Variants in ZNF586 observed in about 807,000 individuals in gnomAD.
ZNF586 encodes the protein zinc finger protein 586.
Under a neutral mutation model 6.7 loss-of-function variants are expected in ZNF586, and 7 were observed. The ratio of observed to expected loss-of-function variants is 1.04; its 90% CI spans 0.59 to 1.95. The LOEUF is 1.95. Ranked by LOEUF, ZNF586 falls within the 30% of genes most tolerant of loss-of-function variation. The pLI, the probability that ZNF586 is intolerant of heterozygous loss-of-function variation, is 0.00. For missense variants in ZNF586, 442 were observed against 489.6 expected, an observed-to-expected ratio of 0.90 and a Z score of 0.92; for synonymous variants, 166 against 168.7, an observed-to-expected ratio of 0.98 and a Z score of 0.12.
Position 57,778,929 on chromosome 19 carries a change from T to A in ZNF586, c.342T>A (p.Asn114Lys). 1 of 1,614,024 alleles carries A rather than the reference T, an allele frequency of 6.2e-7. No homozygotes were observed. The highest frequency in any genetic ancestry group is 8.5e-7 in the Non-Finnish European group (1 of 1,180,016). ...CCAGAAGAGATCACAAACACAGGAA[T>A]GTTCGCACTGGAGAAAGGCCTTATG... is the stretch of plus-strand genomic sequence containing the variant. ...TEPRRDHKHRNVRTGERPYEC... is the reference protein window; with the variant it reads ...TEPRRDHKHRKVRTGERPYEC... The change falls in exon 3 of 3, where the codon AAT becomes AAA. Residue 114 changes from asparagine to lysine, a missense_variant. Physicochemically the swap from Asn to Lys is moderately conservative, Grantham distance 94. Transcript: ENST00000396154.
At chr19:57,776,787 GT>G (rs1987248912) in intron 2 of ZNF586, 118 bp downstream of exon 2, 1 of 1,251,580 alleles carries the variant, frequency 8.0e-7, no homozygotes, top group Non-Finnish European at 1.1e-6. Flanking sequence ...CTCTGGAGAG[GT>G]TCTGTTGTTG....
At position 57,771,103 on chromosome 19, in the gene ZNF586, CA is replaced by C. The variant is rs1318355203; in HGVS notation, c.36+1226del. Among the ~76,000 whole-genome samples, 3 of 151,912 alleles carry C rather than the reference CA, an allele frequency of 2.0e-5. 1 individual carries two copies. The East Asian group carries it at 5.8e-4, about 29-fold the overall frequency. On this transcript the variant is annotated intron_variant, in intron 1 of 2. Transcript: ENST00000396154. ...GATCACGAGGTCAGGAGTTTGAGAC[CA>C]TCCTGGCTAACACGGTGAAATCCCC... is the stretch of plus-strand genomic sequence containing the variant.
intron 2 of ZNF586, 29 bp downstream of exon 2, chr19:57,776,698 G>A (rs747753099): frequency 1.9e-6 from 3 of 1,568,668 alleles, no homozygotes; most frequent in Non-Finnish European, 2.6e-6. Context: ...CCTGTGACCT[G>A]AGTTAGTCTG....
At chr19:57,774,648 G>C (rs1386491264) in intron 1 of ZNF586, 1 of 494,478 alleles carries the variant, frequency 2.0e-6, no homozygotes, top group East Asian at 1.8e-4. Context: ...AAATGCTAGT[G>C]GTTCTTTTTG....
In ZNF586 at chr19:57,769,809, C is replaced by T. The variant is rs1987041466; in HGVS notation, c.-34C>T. The T allele has an allele frequency of 6.5e-7, 1 of 1,538,976 alleles. No homozygotes were observed. The highest frequency in any genetic ancestry group is 1.4e-5 in the African/African-American group (1 of 72,398). Reference sequence around the variant, plus strand: ...CCGGGACAGGACAACGACAGGAACACCGCCGAGCCCGCGTTCCCCCCCCGC... The same window carrying T: ...CCGGGACAGGACAACGACAGGAACATCGCCGAGCCCGCGTTCCCCCCCCGC... On this transcript the variant is annotated 5_prime_UTR_variant, in exon 1 of 3. Transcript: ENST00000396154.
chr19:57,775,255 A>G (rs1471692239), intron 1 of ZNF586, among the ~76,000 whole-genome samples: 2 of 152,108 alleles, frequency 1.3e-5, no homozygotes, highest in Non-Finnish European at 2.9e-5. Context: ...TCGGCCTCCC[A>G]AAGTGCAGGG....
chr19:57,778,262 G>T (rs373451469), intron 2 of ZNF586, among the ~76,000 whole-genome samples: 7 of 151,890 alleles, frequency 4.6e-5, no homozygotes, highest in Admixed American at 1.3e-4. Flanking sequence ...TAGAGATGGG[G>T]TTTTGCCATG....
rs1490820030 is a variant in ZNF586 at position 57,776,545 on chromosome 19, C to G, written c.39C>G (p.Ser13Arg). 1 of 1,611,750 alleles carries G rather than the reference C, an allele frequency of 6.2e-7. No individual in the cohort carries two copies. Among genetic ancestry groups the G allele is most frequent in the South Asian group, 1.1e-5 (1 of 90,842 alleles). Residue 13 changes from serine (S) to arginine (R), a missense_variant and splice_region_variant, in exon 2 of 3, where the codon AGC becomes AGG. By Grantham distance (110) the Ser-to-Arg change is moderately radical (BLOSUM62 -1). Coordinates refer to ENST00000396154, the MANE Select transcript of ZNF586 (RefSeq NM_017652.4). ...TTCATCTATCCCCATCATAACAGAG[C>G]AGTGTGACCTTTGAAGATGTGGCTG... ...AAAALRAPAQSSVTFEDVAVN... is the reference protein window; with the variant it reads ...AAAALRAPAQRSVTFEDVAVN...
intron 1 of ZNF586, among the ~76,000 whole-genome samples, chr19:57,776,215 G>T (rs1301189203): frequency 6.6e-6 from 1 of 152,166 alleles, no homozygotes; most frequent in Non-Finnish European, 1.5e-5. Flanking sequence ...CGTACATAAG[G>T]ATTATGTTTG....
chr19:57,779,278 G>C lies in ZNF586; in HGVS notation c.691G>C (p.Glu231Gln). Residue 231 changes from glutamate to glutamine, a missense_variant, in exon 3 of 3, where the codon GAG becomes CAG. By Grantham distance (29) the Glu-to-Gln change is conservative. Transcript: ENST00000396154. ...TAAACACAGGAGGATTCACACTGGA[G>C]AGAGGCCTTATGAGTGCAGTGAATG... Reference protein sequence around the residue: ...LIKHRRIHTGERPYECSECGR... With the variant: ...LIKHRRIHTGQRPYECSECGR... 6.2e-7 allele frequency: 1 copy of C among 1,614,192 alleles called. No homozygotes were observed. The highest frequency in any genetic ancestry group is 8.5e-7 in the Non-Finnish European group (1 of 1,180,030).
Position 57,779,397 on chromosome 19 carries a change from AT to A in ZNF586, c.813del (p.Arg272AlafsTer30), listed in dbSNP as rs774476284. 2.5e-6 allele frequency: 4 copies of A among 1,612,564 alleles called. No individual in the cohort carries two copies. The Admixed American group carries it at 6.7e-5, about 27-fold the overall frequency. On this transcript the variant is annotated frameshift_variant, in exon 3 of 3. Transcript: ENST00000396154. LOFTEE classifies it low-confidence loss of function (END_TRUNC). The part of the protein sequence containing the change: ...PYECVECGKS[F>X]RRSSSLLQHQ... ...ATGAATGCGTTGAGTGTGGAAAATCATTTCGCCGAAGCTCTTCACTCTTGCA... is the reference window on the plus strand; with the variant it reads ...ATGAATGCGTTGAGTGTGGAAAATCATTCGCCGAAGCTCTTCACTCTTGCA...
chr19:57,778,806 A>G lies in ZNF586; in HGVS notation c.219A>G (p.Ile73Met). 6.2e-7 allele frequency: 1 copy of G among 1,614,122 alleles called. No individual in the cohort carries two copies. Among genetic ancestry groups the G allele is most frequent in the Non-Finnish European group, 8.5e-7 (1 of 1,179,996 alleles). The change falls in exon 3 of 3, where the codon ATA becomes ATG. Residue 73 changes from isoleucine (I) to methionine (M), a missense_variant. By Grantham distance (10) the Ile-to-Met change is conservative. Coordinates refer to ENST00000396154, the MANE Select transcript of ZNF586 (RefSeq NM_017652.4). ...EAAPSKQSTC[I>M]HIYKDQGGHS... ...CACCTTCTAAGCAGAGCACGTGTAT[A>G]CATATATACAAAGACCAGGGAGGTC...
In ZNF586 at chr19:57,779,864, C is replaced by G; in HGVS notation, c.*68C>G. ...CAAGGCCAGAGAGTTCACACCAGAT[C>G]AAGGTGTTATGAGTGTGACAAATGG... On this transcript the variant is annotated 3_prime_UTR_variant, in exon 3 of 3. Transcript: ENST00000396154. The G allele has an allele frequency of 7.7e-7, 1 of 1,305,324 alleles. No homozygotes were observed. Among genetic ancestry groups the G allele is most frequent in the Non-Finnish European group, 1.1e-6 (1 of 941,454 alleles). 80.9% of individuals were successfully genotyped at this position (1,305,324 alleles called of 1,614,324 possible).
At position 57,779,522 on chromosome 19, in the gene ZNF586, A is replaced by C. The variant is rs749693404; in HGVS notation, c.935A>C (p.His312Pro). ...RSNLIHHQRV[H>P]TGERHECGQC... is the part of the protein sequence containing the mutation. ...AACCTCATTCACCATCAGCGAGTTC[A>C]TACTGGAGAAAGGCATGAGTGCGGG... The change falls in exon 3 of 3, where the codon CAT becomes CCT. Residue 312 changes from histidine to proline, a missense_variant. His to Pro is a moderately conservative substitution (Grantham distance 77). Transcript: ENST00000396154. 6.2e-7 allele frequency: 1 copy of C among 1,614,022 alleles called. No homozygotes were observed. Among genetic ancestry groups the C allele is most frequent in the Admixed American group, 1.7e-5 (1 of 59,990 alleles).
intron 1 of ZNF586, among the ~76,000 whole-genome samples, chr19:57,775,196 A>C (rs1269735500): frequency 2.0e-5 from 3 of 151,806 alleles, no homozygotes; most frequent in Non-Finnish European, 2.9e-5. Context: ...GGGGTTTCAC[A>C]ATGTTAGCCA....
intron 1 of ZNF586, 33 bp downstream of exon 1, chr19:57,769,911 C>A: frequency 1.3e-6 from 2 of 1,496,722 alleles, no homozygotes; most frequent in South Asian, 1.2e-5. Context: ...CTTACCCACC[C>A]TACCCACCCA....
chr19:57,772,353 A>G (rs1400083463), intron 1 of ZNF586, among the ~76,000 whole-genome samples: 1 of 152,206 alleles, frequency 6.6e-6, no homozygotes, highest in Non-Finnish European at 1.5e-5. Context: ...ATCAACACAG[A>G]GTACTTCTGT....
Position 57,779,182 on chromosome 19 carries a change from G to A in ZNF586, c.595G>A (p.Val199Ile). 3 of 1,613,906 alleles carry A rather than the reference G, an allele frequency of 1.9e-6. No homozygotes were observed. Among genetic ancestry groups the A allele is most frequent in the South Asian group, 2.2e-5 (2 of 91,060 alleles). ...GTCCAGTCTCATTAACCACAGGAAA[G>A]TTCACTCTGGAGCAAAGCGTTATGA... is the stretch of plus-strand genomic sequence containing the variant. ...EKSSLINHRK[V>I]HSGAKRYECN... The change falls in exon 3 of 3, where the codon GTT becomes ATT. Residue 199 changes from valine (V) to isoleucine (I), a missense_variant. By Grantham distance (29) the Val-to-Ile change is conservative. Coordinates refer to ENST00000396154, the MANE Select transcript of ZNF586 (RefSeq NM_017652.4).
At chr19:57,771,878 G>A (rs968989939) in intron 1 of ZNF586, among the ~76,000 whole-genome samples, 1 of 152,084 alleles carries the variant, frequency 6.6e-6, no homozygotes, top group African/African-American at 2.4e-5. Flanking sequence ...AGGCTGGAGT[G>A]CAATAGTGGA....
Sources: gnomAD v4.1 joint callset for allele counts (sites outside exome capture counted in the v4.1 genomes callset) on GRCh38, gnomAD v4.1.1 for gene constraint, MANE v1.5 for transcripts, NCBI Gene and HGNC (gene_info 2026-07-23, HGNC 2026-07-21) for gene names.